CALN1: variants seen among roughly 807,000 people sequenced by gnomAD.
CALN1 encodes calcium-binding protein 8.
Under a neutral mutation model 30.6 loss-of-function variants are expected in CALN1, and 17 were observed. That is an observed-to-expected ratio of 0.56 (90% confidence interval 0.38 to 0.83). CALN1 has a LOEUF of 0.83. Among genes scored for constraint, CALN1 ranks in the 40% least tolerant of loss-of-function variants. CALN1 has a pLI of 0.00. For synonymous variants in CALN1, 156 were observed against 131.4 expected (o/e 1.19, Z -1.28); for missense variants, 291 against 354.9 (o/e 0.82, Z 1.45).
chr7:72,116,439 A>G (rs543455675), intron 3 of CALN1, among the ~76,000 whole-genome samples: 3 of 152,314 alleles, frequency 2.0e-5, no homozygotes, highest in African/African-American at 7.2e-5. Context: ...GAAATCTCTG[A>G]GGAAGTATAC....
intron 5 of CALN1, among the ~76,000 whole-genome samples, chr7:71,812,581 G>C (rs1288270982): frequency 6.6e-6 from 1 of 152,158 alleles, no homozygotes; most frequent in Non-Finnish European, 1.5e-5. Context: ...CTACAAGAAA[G>C]AGATGAGCTC....
At chr7:71,999,019 G>C (rs1248072240) in intron 5 of CALN1, among the ~76,000 whole-genome samples, 1 of 152,086 alleles carries the variant, frequency 6.6e-6, no homozygotes, top group Non-Finnish European at 1.5e-5. Flanking sequence ...AATGTAAATG[G>C]TCTAAGTACA....
At chr7:72,089,866 G>A (rs1204201114) in intron 4 of CALN1, among the ~76,000 whole-genome samples, 1 of 152,106 alleles carries the variant, frequency 6.6e-6, no homozygotes, top group Non-Finnish European at 1.5e-5. Flanking sequence ...AGGGCTACAA[G>A]GCACATGGGT....
rs560813140 is a variant in CALN1 at position 72,144,068 on chromosome 7, T to C, written c.245-37774A>G. Among the ~76,000 whole-genome samples, 13 of 152,230 alleles carry C rather than the reference T, an allele frequency of 8.5e-5. No homozygotes were observed. In the South Asian group the frequency reaches 2.7e-3, roughly 32 times the overall value. On this transcript the variant is annotated intron_variant, in intron 3 of 6. Coordinates refer to ENST00000395275, the MANE Select transcript of CALN1 (RefSeq NM_031468.4). ...GAGGCTAGGAAGAAACTGCATCAAC[T>C]AACGAGCAAAATAACCAGCTAACAT...
At chr7:72,159,522 G>T (rs527713071) in intron 3 of CALN1, among the ~76,000 whole-genome samples, 22 of 152,098 alleles carry the variant, frequency 1.4e-4, no homozygotes, top group African/African-American at 5.3e-4. Flanking sequence ...ACACAGCCAG[G>T]CATAGTGGCT....
chr7:71,925,495 GT>G (rs35167114), intron 5 of CALN1, among the ~76,000 whole-genome samples: 35 of 136,540 alleles, frequency 2.6e-4, no homozygotes, highest in African/African-American at 5.1e-4. Context: ...GGTTTTTTTG[GT>G]TTTTTTTTTT....
At chr7:72,163,392 T>TTATTGGAAAAAAAA in intron 3 of CALN1, among the ~76,000 whole-genome samples, 1 of 79,306 alleles carries the variant, frequency 1.3e-5, no homozygotes, top group Non-Finnish European at 2.2e-5. Flanking sequence ...TATTGGAGAT[T>TTATTGGAAAAAAAA]AAAAAAAAAA....
intron 3 of CALN1, among the ~76,000 whole-genome samples, chr7:72,117,223 G>T (rs1808048389): frequency 6.6e-6 from 1 of 152,152 alleles, no homozygotes; most frequent in South Asian, 2.1e-4. Flanking sequence ...AGGCTGAGAT[G>T]GGAGGATTGC....
intron 4 of CALN1, among the ~76,000 whole-genome samples, chr7:72,031,486 G>GA (rs1801432232): frequency 6.6e-6 from 1 of 151,972 alleles, no homozygotes; most frequent in Non-Finnish European, 1.5e-5. Context: ...AGATAACTTA[G>GA]AAAAAAAGAG....
intron 3 of CALN1, among the ~76,000 whole-genome samples, chr7:72,217,816 C>T (rs979363145): frequency 6.6e-5 from 9 of 135,804 alleles, no homozygotes; most frequent in Non-Finnish European, 1.1e-4. Flanking sequence ...CCCAACTCTA[C>T]AAAAAAATTA....
chr7:72,169,050 C>T (rs894487595), intron 3 of CALN1, among the ~76,000 whole-genome samples: 3 of 151,820 alleles, frequency 2.0e-5, no homozygotes, highest in Non-Finnish European at 4.4e-5. Flanking sequence ...AGGTGATCCA[C>T]CCGCCTTGGC....
Position 71,810,365 on chromosome 7 carries a change from G to A in CALN1, c.629C>T (p.Ser210Leu), listed in dbSNP as rs143545775. The A allele has an allele frequency of 1.4e-4, 229 of 1,614,076 alleles. No homozygotes were observed. Among genetic ancestry groups the A allele is most frequent in the Non-Finnish European group, 1.8e-4 (209 of 1,180,020 alleles). The change falls in exon 6 of 7, where the codon TCG (serine) becomes TTG (leucine). Residue 210 changes from serine to leucine, a missense_variant. Ser to Leu is a moderately radical substitution (Grantham distance 145, BLOSUM62 -2). Transcript: ENST00000395275. ...INEEESLNET[S>L]GNCQTEFEGV... is the part of the protein sequence containing the mutation. ...TTCAAACTCTGTTTGGCAGTTCCCC[G>A]AGGTCTCATTCAGGCTCTCTTCCTC...
At chr7:72,311,792 G>A (rs928706764) in intron 2 of CALN1, among the ~76,000 whole-genome samples, 26 of 149,530 alleles carry the variant, frequency 1.7e-4, no homozygotes, top group Admixed American at 1.4e-4. Flanking sequence ...CCACCACCGC[G>A]CCTGGCCATC....
chr7:72,053,540 T>C (rs2129536352), intron 4 of CALN1, among the ~76,000 whole-genome samples: 2 of 152,308 alleles, frequency 1.3e-5, no homozygotes, highest in East Asian at 3.9e-4. Context: ...TATATGAGTG[T>C]TCCCTTTACT....
intron 5 of CALN1, among the ~76,000 whole-genome samples, chr7:71,984,094 C>G (rs145671557): frequency 1.5e-3 from 224 of 152,068 alleles, no homozygotes; most frequent in African/African-American, 4.6e-3. Flanking sequence ...TACTCTCTTA[C>G]AAAGGAGGAA....
chr7:71,830,020 C>T (rs745525534), intron 5 of CALN1, among the ~76,000 whole-genome samples: 5 of 146,256 alleles, frequency 3.4e-5, no homozygotes, highest in South Asian at 4.4e-4. Flanking sequence ...TGTATGTGTG[C>T]ATGAGTAAGT....
At chr7:72,473,366 A>G in the CALN1 span, among the ~76,000 whole-genome samples, 1 of 151,854 alleles carries the variant, frequency 6.6e-6, no homozygotes, top group East Asian at 1.9e-4. Flanking sequence ...CAACCTTTCC[A>G]TCTCAGGTTC....
chr7:72,203,024 G>A (rs147945448), intron 3 of CALN1, among the ~76,000 whole-genome samples: 3,958 of 152,184 alleles, frequency 0.026, 179 homozygotes, highest in African/African-American at 0.09. Flanking sequence ...GAATGAGTTC[G>A]TGTCTTTTGC....
intron 3 of CALN1, among the ~76,000 whole-genome samples, chr7:72,212,636 G>A (rs1263561833): frequency 1.3e-5 from 2 of 151,926 alleles, no homozygotes; most frequent in African/African-American, 4.8e-5. Flanking sequence ...GCAGCAAAGC[G>A]AGACTCCATC....
Sources: allele counts gnomAD v4.1 joint callset (sites outside exome capture counted in the v4.1 genomes callset), GRCh38; gene constraint gnomAD v4.1.1; transcripts MANE v1.5; gene names NCBI Gene and HGNC (gene_info 2026-07-23, HGNC 2026-07-21).